Variants in LRRC53 observed in about 807,000 individuals in gnomAD.
The protein encoded by LRRC53 is leucine rich repeat containing 53.
In LRRC53, 25 loss-of-function variants were observed where a neutral mutation model predicts 13.6. That is an observed-to-expected ratio of 1.83 (90% CI 1.34 to 2.56). The LOEUF is 2.56. LRRC53 is among the 30% of genes most tolerant of loss of function. The pLI is 0.00. For missense variants in LRRC53, 527 were observed against 275.8 expected (o/e 1.91, Z -6.45); for synonymous variants, 204 against 109.8 (o/e 1.86, Z -5.37).
At chr1:74,530,529 A>G in the LRRC53 span, among the ~76,000 whole-genome samples, 1 of 152,144 alleles carries the variant, frequency 6.6e-6, no homozygotes, top group Non-Finnish European at 1.5e-5. Context: ...AATAAAAATA[A>G]AAATCATCAA....
the LRRC53 span, among the ~76,000 whole-genome samples, chr1:74,518,492 A>G: frequency 2.0e-5 from 3 of 151,990 alleles, no homozygotes; most frequent in Non-Finnish European, 4.4e-5. Context: ...AGGATCTCTG[A>G]TTCTCCCACC....
rs117933862 is a variant in LRRC53, at chr1:74,480,238, A to C, written c.819T>G (p.Ala273=). Residue 273 remains alanine (A), a synonymous_variant, in exon 3 of 5, where the codon GCT becomes GCG. Coordinates refer to ENST00000294635, the MANE Select transcript of LRRC53 (RefSeq NM_001382280.1). ...CCTTTAGAACCAGAGTGAAGTTGGG[A>C]GCTTTGGAATCACAGTTGGTCTCAG... ...RLSETNCDSK[A]PNFTLVLKDR... The C allele has an allele frequency of 4.2e-3, 3,019 of 717,474 alleles. 79 individuals are homozygous for C. In the East Asian group the frequency reaches 0.062, roughly 15 times the overall value. 44.4% of individuals were successfully genotyped at this position (717,474 alleles called of 1,614,324 possible).
intron 1 of LRRC53, among the ~76,000 whole-genome samples, chr1:74,483,854 T>A (rs1342333620): frequency 6.6e-6 from 1 of 152,138 alleles, no homozygotes; most frequent in Non-Finnish European, 1.5e-5. Context: ...TCTTACATGA[T>A]TACAACTAAA....
chr1:74,519,891 A>T, the LRRC53 span, among the ~76,000 whole-genome samples: 3 of 152,074 alleles, frequency 2.0e-5, no homozygotes, highest in Non-Finnish European at 4.4e-5. Flanking sequence ...GGGAGCACAG[A>T]TCCACCTTCT....
rs867395979 is a variant in LRRC53, at chr1:74,469,964, T to G, written c.3658A>C (p.Asn1220His). 2.5e-6 allele frequency: 1 copy of G among 400,584 alleles called. No homozygotes were observed. The highest frequency in any genetic ancestry group is 2.1e-5 in the African/African-American group (1 of 48,720). 24.8% of individuals were successfully genotyped at this position (400,584 alleles called of 1,614,324 possible). Residue 1220 changes from asparagine to histidine, a missense_variant, in exon 5 of 5, where the codon AAT becomes CAT. By Grantham distance (68) the Asn-to-His change is moderately conservative (BLOSUM62 1). Coordinates refer to ENST00000294635, the MANE Select transcript of LRRC53 (RefSeq NM_001382280.1). Reference protein sequence around the residue: ...NEVFLVPSRINEAENSAPKPV... With the variant: ...NEVFLVPSRIHEAENSAPKPV... ...TTTGGAGCAGAGTTTTCAGCTTCAT[T>G]TATTCTGCTAGGAACTAAAAACACC...
chr1:74,471,110 A>C lies in LRRC53; in HGVS notation c.2512T>G (p.Ser838Ala). 2.5e-6 allele frequency: 1 copy of C among 400,688 alleles called. No homozygotes were observed. The highest frequency in any genetic ancestry group is 4.4e-6 in the Non-Finnish European group (1 of 226,192). The allele number at this position is 400,688 out of a possible 1,614,324, so 24.8% of individuals were successfully genotyped here. The change falls in exon 5 of 5, where the codon TCA (serine) becomes GCA (alanine). Residue 838 changes from serine to alanine, a missense_variant. Transcript: ENST00000294635. ...SAGHIPDGNT[S>A]KLPQPTPTDA... ...GTGGGTGTAGGTTGGGGCAATTTTG[A>C]TGTGTTTCCATCAGGAATGTGGCCA...
At chr1:74,496,323 A>G (rs1390936195) in intron 1 of LRRC53, among the ~76,000 whole-genome samples, 1 of 152,308 alleles carries the variant, frequency 6.6e-6, no homozygotes, top group African/African-American at 2.4e-5. Context: ...CATCCCTGCC[A>G]AAATTCCTTA....
intron 1 of LRRC53, chr1:74,489,046 C>A: frequency 1.6e-6 from 1 of 629,870 alleles, no homozygotes; most frequent in Non-Finnish European, 2.6e-6. Context: ...TCAATTAACA[C>A]TTCAATAAAA....
the LRRC53 span, among the ~76,000 whole-genome samples, chr1:74,535,775 T>TTTG: frequency 1.3e-5 from 2 of 152,316 alleles, no homozygotes; most frequent in Non-Finnish European, 2.9e-5. Flanking sequence ...ACCTTCACCA[T>TTTG]TTGAAGACTG....
chr1:74,532,518 A>G, the LRRC53 span, among the ~76,000 whole-genome samples: 1 of 151,564 alleles, frequency 6.6e-6, no homozygotes, highest in Non-Finnish European at 1.5e-5. Flanking sequence ...GTACATGTGC[A>G]CAATGTGCAG....
At chr1:74,521,250 C>T in the LRRC53 span, among the ~76,000 whole-genome samples, 620 of 152,176 alleles carry the variant, frequency 4.1e-3, 6 homozygotes, top group African/African-American at 0.014. Context: ...TTTCTCTGTG[C>T]GATCTTGCCC....
upstream of LRRC53, among the ~76,000 whole-genome samples, chr1:74,514,449 T>C (rs1227320083): frequency 3.3e-5 from 5 of 152,210 alleles, no homozygotes; most frequent in Admixed American, 2.6e-4. Context: ...TAATAGAAAT[T>C]GCTGTTGTTC....
At position 74,492,184 on chromosome 1, in the gene LRRC53, C is replaced by T. The variant is rs201798397; in HGVS notation, c.-26-8809G>A. 2.4e-5 allele frequency: 38 copies of T among 1,612,696 alleles called. No homozygotes were observed. The highest frequency in any genetic ancestry group is 3.1e-5 in the Non-Finnish European group (37 of 1,179,164). On this transcript the variant is annotated intron_variant, in intron 1 of 4. Coordinates refer to ENST00000294635, the MANE Select transcript of LRRC53 (RefSeq NM_001382280.1). ...CCTGGTGAACCGGGGAGGACCTGGC[C>T]GGAGTCATGTGGCAGCATTAAGAAG... is the stretch of plus-strand genomic sequence containing the variant.
chr1:74,473,914 T>A (rs142725097), intron 4 of LRRC53, among the ~76,000 whole-genome samples: 7 of 152,250 alleles, frequency 4.6e-5, no homozygotes, highest in Non-Finnish European at 8.8e-5. Flanking sequence ...TCTATAATTC[T>A]TTTTCCAAGT....
At chr1:74,495,113 T>G (rs1245965393) in intron 1 of LRRC53, among the ~76,000 whole-genome samples, 2 of 152,214 alleles carry the variant, frequency 1.3e-5, no homozygotes, top group Non-Finnish European at 2.9e-5. Context: ...AAGTGTTTTA[T>G]AGCCTTCTGG....
chr1:74,480,613 G>A lies in LRRC53; in HGVS notation c.444C>T (p.Asp148=). 1.4e-6 allele frequency: 1 copy of A among 717,238 alleles called. No individual in the cohort carries two copies. Among genetic ancestry groups the A allele is most frequent in the East Asian group, 2.7e-5 (1 of 37,286 alleles). The allele number at this position is 717,238 out of a possible 1,614,324, so 44.4% of individuals were successfully genotyped here. A position where few individuals can be genotyped will look rare whatever the true frequency, so the allele number is the denominator to read the frequency against. The change falls in exon 3 of 5, where the codon GAC becomes GAT. Residue 148 remains aspartate (D), a synonymous_variant. Transcript: ENST00000294635. The part of the protein sequence containing the change: ...LDGNQITNLT[D]SSFGGTNLHS... ...GGAGATTCGTGCCTCCGAAAGAACT[G>A]TCTGTGAGATTAGTAATCTGATTCC...
intron 1 of LRRC53, among the ~76,000 whole-genome samples, chr1:74,501,898 T>G (rs1036978480): frequency 6.6e-6 from 1 of 152,158 alleles, no homozygotes. Context: ...ATACATTTTC[T>G]TTTTCTCACT....
chr1:74,510,938 A>G lies in LRRC53; in HGVS notation c.-27+1588T>C, dbSNP rs138893067. Among the ~76,000 whole-genome samples the G allele has an allele frequency of 8.3e-3, 1,268 of 152,314 alleles. 23 individuals carry two copies. Among genetic ancestry groups the G allele is most frequent in the African/African-American group, 0.029 (1,226 of 41,570 alleles). On this transcript the variant is annotated intron_variant, in intron 1 of 4. Transcript: ENST00000294635. Reference sequence around the variant, plus strand: ...GTCTCACTCTTGTCCCCCAGGCTGGAGTACAATGGTGCGATCTTGGCTCAC... The same window carrying G: ...GTCTCACTCTTGTCCCCCAGGCTGGGGTACAATGGTGCGATCTTGGCTCAC...
At chr1:74,483,115 C>T in intron 2 of LRRC53, 147 bp downstream of exon 2, 1 of 464,974 alleles carries the variant, frequency 2.2e-6, no homozygotes, top group South Asian at 4.7e-5. Flanking sequence ...AAAATATTGC[C>T]AGTCTCTTTA....
Sources: allele counts gnomAD v4.1 joint callset (sites outside exome capture counted in the v4.1 genomes callset), GRCh38; gene constraint gnomAD v4.1.1; transcripts MANE v1.5; gene names NCBI Gene and HGNC (gene_info 2026-07-23, HGNC 2026-07-21).